Variants in MAF observed in about 807,000 individuals in gnomAD.
The protein encoded by MAF is MAF bZIP transcription factor.
MAF carries 10 observed loss-of-function variants against 22.0 expected under a neutral mutation model. The ratio of observed to expected loss-of-function variants is 0.45; its 90% confidence interval spans 0.28 to 0.77. MAF has a LOEUF of 0.77. MAF is among the 30% of genes least tolerant of loss of function. MAF has a pLI of 0.12. For synonymous variants in MAF, 337 were observed against 255.8 expected (o/e 1.32, Z -3.03); for missense variants, 544 against 548.4 (o/e 0.99, Z 0.08).
At chr16:79,385,192 A>G in the MAF span, among the ~76,000 whole-genome samples, 1 of 152,236 alleles carries the variant, frequency 6.6e-6, no homozygotes, top group African/African-American at 2.4e-5. Flanking sequence ...CATAAAAAGG[A>G]TAATAAGATA....
At chr16:79,363,937 C>T in the MAF span, among the ~76,000 whole-genome samples, 31 of 152,244 alleles carry the variant, frequency 2.0e-4, no homozygotes, top group East Asian at 2.9e-3. Context: ...GGTGGAGATG[C>T]TACCCATCCA....
the MAF span, among the ~76,000 whole-genome samples, chr16:79,234,770 C>T: frequency 6.6e-6 from 1 of 152,132 alleles, no homozygotes. Flanking sequence ...GGAGTGGCTC[C>T]CCTAAGCCAG....
At chr16:79,561,762 A>G in the MAF span, among the ~76,000 whole-genome samples, 3 of 152,214 alleles carry the variant, frequency 2.0e-5, no homozygotes. Context: ...TTATCCACAC[A>G]CTTCCGAATG....
At chr16:79,452,933 G>A in the MAF span, among the ~76,000 whole-genome samples, 2 of 152,198 alleles carry the variant, frequency 1.3e-5, no homozygotes, top group African/African-American at 2.4e-5. Flanking sequence ...CCTGTTATAT[G>A]AGCGAGGAAT....
At chr16:79,537,743 C>T in the MAF span, among the ~76,000 whole-genome samples, 12 of 152,218 alleles carry the variant, frequency 7.9e-5, no homozygotes, top group South Asian at 2.3e-3. Flanking sequence ...AACCCAGGGG[C>T]CCTGGGTGCC....
rs909428489 is a variant in MAF at position 79,586,650 on chromosome 16, G to A, written c.1119-709C>T. Among the ~76,000 whole-genome samples, 4 of 152,114 alleles carry A rather than the reference G, an allele frequency of 2.6e-5. No homozygotes were observed. The South Asian group carries it at 8.3e-4, about 31-fold the overall frequency. On this transcript the variant is annotated intron_variant, in intron 1 of 1. Transcript: ENST00000569649. ...TAATTCAAAGTAGTTAGCTTTCTATGGTTCAAAAAACGCTTATTGCTATTA... is the reference window on the plus strand; with the variant it reads ...TAATTCAAAGTAGTTAGCTTTCTATAGTTCAAAAAACGCTTATTGCTATTA...
At chr16:79,444,089 G>A in the MAF span, among the ~76,000 whole-genome samples, 16 of 151,940 alleles carry the variant, frequency 1.1e-4, no homozygotes, top group African/African-American at 3.9e-4. Flanking sequence ...ATAGTTAATA[G>A]GTAATTATGT....
At chr16:79,437,901 G>A in the MAF span, among the ~76,000 whole-genome samples, 1 of 152,140 alleles carries the variant, frequency 6.6e-6, no homozygotes, top group Non-Finnish European at 1.5e-5. Context: ...GTGGGACACA[G>A]GCCAGGCGGG....
At chr16:79,208,355 C>G in the MAF span, among the ~76,000 whole-genome samples, 1 of 149,178 alleles carries the variant, frequency 6.7e-6, no homozygotes, top group Middle Eastern at 3.2e-3. Context: ...ATACAACCTA[C>G]AGGCTTCTGA....
At chr16:79,261,894 G>C in the MAF span, among the ~76,000 whole-genome samples, 1 of 152,190 alleles carries the variant, frequency 6.6e-6, no homozygotes, top group Admixed American at 6.5e-5. Context: ...AACTAACTCA[G>C]TCCTCCTCCT....
the MAF span, among the ~76,000 whole-genome samples, chr16:79,275,575 G>C: frequency 3.2e-4 from 48 of 152,338 alleles, no homozygotes; most frequent in African/African-American, 1.2e-3. Context: ...GGCTAAGTCA[G>C]AGTGTAGTCT....
At chr16:79,421,614 A>G in the MAF span, among the ~76,000 whole-genome samples, 1 of 150,870 alleles carries the variant, frequency 6.6e-6, no homozygotes, top group African/African-American at 2.4e-5. Context: ...AAAGGGAAAG[A>G]CAGTTAGTAA....
the MAF span, among the ~76,000 whole-genome samples, chr16:79,558,469 T>C: frequency 1.3e-5 from 2 of 152,338 alleles, no homozygotes; most frequent in East Asian, 3.9e-4. Context: ...CTCTACTTCC[T>C]GGAGCTAAAA....
the MAF span, among the ~76,000 whole-genome samples, chr16:79,489,026 C>A: frequency 1.3e-5 from 2 of 152,184 alleles, no homozygotes; most frequent in African/African-American, 2.4e-5. Flanking sequence ...AACTACTCAA[C>A]TTAATTTGTT....
chr16:79,497,169 G>T, the MAF span, among the ~76,000 whole-genome samples: 4 of 152,112 alleles, frequency 2.6e-5, no homozygotes, highest in Non-Finnish European at 5.9e-5. Context: ...TTCTACAAAG[G>T]AAGTTTCAGA....
the MAF span, among the ~76,000 whole-genome samples, chr16:79,274,380 C>G: frequency 6.6e-6 from 1 of 152,100 alleles, no homozygotes; most frequent in African/African-American, 2.4e-5. Flanking sequence ...GGTTTACCAG[C>G]TGAGATTCAG....
chr16:79,483,740 G>A, the MAF span, among the ~76,000 whole-genome samples: 3 of 152,166 alleles, frequency 2.0e-5, no homozygotes, highest in African/African-American at 7.2e-5. Context: ...TAGAGAGAGA[G>A]GGGAAGCCAG....
At chr16:79,225,087 G>A in the MAF span, among the ~76,000 whole-genome samples, 1 of 152,136 alleles carries the variant, frequency 6.6e-6, no homozygotes, top group South Asian at 2.1e-4. Flanking sequence ...AAAGCTGGAG[G>A]CATCATGCTG....
chr16:79,508,788 T>C, the MAF span, among the ~76,000 whole-genome samples: 1 of 152,240 alleles, frequency 6.6e-6, no homozygotes, highest in Non-Finnish European at 1.5e-5. Flanking sequence ...CATAGGTTTC[T>C]ATTTATCTGA....
Sources: gnomAD v4.1 joint callset for allele counts (sites outside exome capture counted in the v4.1 genomes callset) on GRCh38, gnomAD v4.1.1 for gene constraint, MANE v1.5 for transcripts, NCBI Gene and HGNC (gene_info 2026-07-23, HGNC 2026-07-21) for gene names.